NRG3: variants seen among roughly 807,000 people sequenced by gnomAD.
NRG3 encodes the protein neuregulin 3.
NRG3 carries 31 observed loss-of-function variants against 66.9 expected under a neutral mutation model. The ratio of observed to expected loss-of-function variants is 0.46; its 90% confidence interval spans 0.35 to 0.63. NRG3 has a LOEUF of 0.63. NRG3 is among the 20% of genes least tolerant of loss of function. The pLI is 0.00. For synonymous variants in NRG3, 393 were observed against 359.4 expected, an observed-to-expected ratio of 1.09 and a Z score of -1.06; for missense variants, 910 against 878.9, an observed-to-expected ratio of 1.04 and a Z score of -0.45.
At chr10:82,883,551 T>C (rs1175709904) in intron 4 of NRG3, among the ~76,000 whole-genome samples, 1 of 152,184 alleles carries the variant, frequency 6.6e-6, no homozygotes, top group African/African-American at 2.4e-5. Flanking sequence ...ACAACTCTTG[T>C]AATTGTTGAA....
Position 81,875,294 on chromosome 10 carries a change from C to G in NRG3, c.-47C>G. The G allele has an allele frequency of 1.0e-6, 1 of 982,004 alleles. No individual in the cohort carries two copies. Among genetic ancestry groups the G allele is most frequent in the Non-Finnish European group, 1.2e-6 (1 of 828,978 alleles). The allele number at this position is 982,004 out of a possible 1,614,324, so 60.8% of individuals were successfully genotyped here. A position where few individuals can be genotyped will look rare whatever the true frequency, so the allele number is the denominator to read the frequency against. The stretch of plus-strand genomic sequence containing the variant: ...GCGCCCGGCCCGCGCGGCCCCATGC[C>G]TCTGCCGCGGCCCTCGGGGGGGCGA... On this transcript the variant is annotated 5_prime_UTR_variant, in exon 1 of 9. Transcript: ENST00000372141. This position sits in a 1 kb window ranked among gnomAD's most constrained non-coding sequence, Gnocchi z 5.3.
intron 1 of NRG3, among the ~76,000 whole-genome samples, chr10:81,989,390 A>T (rs1041572130): frequency 7.2e-5 from 11 of 152,128 alleles, no homozygotes; most frequent in Non-Finnish European, 1.6e-4. Flanking sequence ...AAGAGGACCC[A>T]GTCGCATACC....
chr10:82,973,555 C>T (rs915528118), intron 6 of NRG3, among the ~76,000 whole-genome samples: 1 of 152,140 alleles, frequency 6.6e-6, no homozygotes, highest in African/African-American at 2.4e-5. Flanking sequence ...GGGATGCTGA[C>T]ATGAAGAACC....
chr10:82,161,466 G>C (rs1435066850), intron 1 of NRG3, among the ~76,000 whole-genome samples: 2 of 151,820 alleles, frequency 1.3e-5, no homozygotes, highest in East Asian at 1.9e-4. Flanking sequence ...CCCTTTTTTT[G>C]TACCTTTAGT....
chr10:82,300,850 C>T (rs947131138), intron 1 of NRG3, among the ~76,000 whole-genome samples: 3 of 152,006 alleles, frequency 2.0e-5, no homozygotes, highest in African/African-American at 7.3e-5. Context: ...CAGCCTGGTG[C>T]AGTGGTGTCC....
chr10:82,979,988 G>T (rs1350339120), intron 8 of NRG3, among the ~76,000 whole-genome samples: 1 of 152,106 alleles, frequency 6.6e-6, no homozygotes, highest in African/African-American at 2.4e-5. Flanking sequence ...CAGATCACTT[G>T]AGCTCAGGAG....
chr10:82,925,816 C>T (rs984363734), intron 4 of NRG3, among the ~76,000 whole-genome samples: 1 of 152,094 alleles, frequency 6.6e-6, no homozygotes, highest in Non-Finnish European at 1.5e-5. Flanking sequence ...GCAGCTTAAA[C>T]TGGAAAGATG....
intron 2 of NRG3, among the ~76,000 whole-genome samples, chr10:82,611,268 A>T (rs772050831): frequency 3.5e-4 from 53 of 151,224 alleles, no homozygotes; most frequent in Non-Finnish European, 6.4e-4. Context: ...TTTTTATTTT[A>T]TTTATTTATT....
At chr10:82,166,809 C>T (rs201815957) in intron 1 of NRG3, 19 of 674,320 alleles carry the variant, frequency 2.8e-5, no homozygotes, top group African/African-American at 5.3e-5. Context: ...CTGCTGCTGA[C>T]GAATTCATAC....
intron 2 of NRG3, among the ~76,000 whole-genome samples, chr10:82,696,489 T>C (rs1049172282): frequency 6.6e-6 from 1 of 151,942 alleles, no homozygotes; most frequent in Non-Finnish European, 1.5e-5. Flanking sequence ...GGAAAGATGG[T>C]TAAGGGAAAA....
intron 1 of NRG3, among the ~76,000 whole-genome samples, chr10:82,012,069 G>T (rs903639674): frequency 1.3e-5 from 2 of 152,200 alleles, no homozygotes; most frequent in Non-Finnish European, 2.9e-5. Flanking sequence ...GAGGTTCTCC[G>T]TGAGGGCCTC....
intron 1 of NRG3, among the ~76,000 whole-genome samples, chr10:81,968,762 A>G (rs1024186807): frequency 5.9e-5 from 9 of 152,196 alleles, no homozygotes; most frequent in Non-Finnish European, 1.0e-4. Flanking sequence ...CTTGGGGAGA[A>G]TAGAATAGAA....
At chr10:82,303,182 C>T (rs1050663153) in intron 1 of NRG3, among the ~76,000 whole-genome samples, 5 of 152,168 alleles carry the variant, frequency 3.3e-5, no homozygotes, top group African/African-American at 4.8e-5. Context: ...CTCCATCTTC[C>T]ACCTCAAAGC....
chr10:82,943,609 AT>A (rs1848756819), intron 4 of NRG3, among the ~76,000 whole-genome samples: 1 of 152,176 alleles, frequency 6.6e-6, no homozygotes, highest in Non-Finnish European at 1.5e-5. Flanking sequence ...ATTTTCTCTC[AT>A]TTTGTTCTCT....
chr10:81,972,475 G>A (rs2059966794), intron 1 of NRG3, among the ~76,000 whole-genome samples: 1 of 151,792 alleles, frequency 6.6e-6, no homozygotes, highest in African/African-American at 2.4e-5. Context: ...ATATAACCAA[G>A]TCAAATGCCT....
chr10:82,471,131 C>G (rs754554917), intron 2 of NRG3, among the ~76,000 whole-genome samples: 1 of 151,994 alleles, frequency 6.6e-6, no homozygotes, highest in South Asian at 2.1e-4. Context: ...ACAGACACTT[C>G]GAAGGGTGAG....
chr10:82,532,666 T>G (rs1483086177), intron 2 of NRG3, among the ~76,000 whole-genome samples: 7 of 150,118 alleles, frequency 4.7e-5, no homozygotes, highest in Non-Finnish European at 7.4e-5. Flanking sequence ...TATCTCTCAT[T>G]TTTTTAATCT....
intron 3 of NRG3, among the ~76,000 whole-genome samples, chr10:82,765,482 G>A (rs373050107): frequency 6.6e-5 from 10 of 152,126 alleles, no homozygotes; most frequent in East Asian, 1.9e-4. Flanking sequence ...TCACTGTAGC[G>A]AAGAAAATGC....
intron 1 of NRG3, among the ~76,000 whole-genome samples, chr10:82,151,824 C>G (rs1277024759): frequency 6.6e-6 from 1 of 152,190 alleles, no homozygotes; most frequent in Admixed American, 6.6e-5. Flanking sequence ...AGGCTCTGCT[C>G]AGAAGACTTG....
Sources: gnomAD v4.1 joint callset for allele counts (sites outside exome capture counted in the v4.1 genomes callset) on GRCh38, gnomAD v4.1.1 for gene constraint, Gnocchi (gnomAD v3.1) non-coding constraint, MANE v1.5 for transcripts, NCBI Gene and HGNC (gene_info 2026-07-23, HGNC 2026-07-21) for gene names.